The following PKHD1 variants were observed in gnomAD, a reference collection of about 807,000 sequenced individuals.
The protein encoded by PKHD1 is fibrocystin.
Under a neutral mutation model 412.0 loss-of-function variants are expected in PKHD1, and 291 were observed. The observed-to-expected ratio is 0.71, with a 90% confidence interval of 0.64 to 0.78. PKHD1 has a LOEUF of 0.78. Among genes scored for constraint, PKHD1 ranks in the 30% least tolerant of loss-of-function variants. The pLI is 0.00. For synonymous variants in PKHD1, 1,777 were observed against 1,821.5 expected (o/e 0.98, Z 0.62); for missense variants, 4,825 against 4,950.7 (o/e 0.97, Z 0.76).
At position 51,887,152 on chromosome 6, in the gene PKHD1, T is replaced by C. The variant is rs748865599; in HGVS notation, c.7090A>G (p.Ile2364Val). The C allele has an allele frequency of 3.1e-6, 5 of 1,609,408 alleles. No individual in the cohort carries two copies. The Admixed American group carries it at 6.7e-5, about 21-fold the overall frequency. ...QAPLLSFTQNIAHSCTRYGLF... is the reference protein window; with the variant it reads ...QAPLLSFTQNVAHSCTRYGLF... ...AGTTACCTGGTACAAGAATGTGCAA[T>C]GTTCTGAGTGAAGGAAAGAAGCGGA... The change falls in exon 44 of 67, where the codon ATT (isoleucine) becomes GTT (valine). Residue 2364 changes from isoleucine (I) to valine (V), a missense_variant. Coordinates refer to ENST00000371117, the MANE Select transcript of PKHD1 (RefSeq NM_138694.4).
At chr6:51,976,176 G>C (rs1794415688) in intron 35 of PKHD1, among the ~76,000 whole-genome samples, 1 of 152,148 alleles carries the variant, frequency 6.6e-6, no homozygotes, top group Admixed American at 6.5e-5. Context: ...GGGTCTCAAA[G>C]AGACATGTGC....
chr6:52,056,167 A>T (rs542243337), intron 18 of PKHD1, among the ~76,000 whole-genome samples: 4 of 152,076 alleles, frequency 2.6e-5, no homozygotes, highest in Admixed American at 6.5e-5. Flanking sequence ...AGCCTTGAAA[A>T]CCCTTTAGCA....
intron 60 of PKHD1, among the ~76,000 whole-genome samples, chr6:51,722,981 TA>T (rs1477770864): frequency 6.6e-6 from 1 of 152,214 alleles, no homozygotes; most frequent in Non-Finnish European, 1.5e-5. Context: ...GTTTTCAAAT[TA>T]GGCATGTTTT....
At chr6:51,728,543 C>T (rs1342908170) in intron 60 of PKHD1, among the ~76,000 whole-genome samples, 3 of 152,106 alleles carry the variant, frequency 2.0e-5, no homozygotes, top group Non-Finnish European at 4.4e-5. Context: ...ACTCTTTGGC[C>T]GGTTACACGA....
At chr6:52,076,649 A>G (rs1167220226) in intron 5 of PKHD1, among the ~76,000 whole-genome samples, 1 of 152,148 alleles carries the variant, frequency 6.6e-6, no homozygotes, top group East Asian at 1.9e-4. Flanking sequence ...CCAAGAACAC[A>G]TTTTACTAGA....
chr6:51,793,678 C>T (rs1475425718), intron 52 of PKHD1, among the ~76,000 whole-genome samples: 1 of 152,222 alleles, frequency 6.6e-6, no homozygotes, highest in African/African-American at 2.4e-5. Context: ...ATCCATATCC[C>T]TGCAAAGGAC....
At position 51,862,391 on chromosome 6, in the gene PKHD1, C is replaced by A. The variant is rs185237758; in HGVS notation, c.7733+5472G>T. 2.8e-3 allele frequency among the ~76,000 whole-genome samples: 431 copies of A among 152,236 alleles called. 3 individuals carry two copies. Among genetic ancestry groups the A allele is most frequent in the Middle Eastern group, 6.8e-3 (2 of 294 alleles). On this transcript the variant is annotated intron_variant, in intron 48 of 66. Transcript: ENST00000371117. ...TTGGGGTCCATTGTGATTTTTAGAT[C>A]TTTTTCTACTTTAATTCTGTAACCT... is the stretch of plus-strand genomic sequence containing the variant.
chr6:51,713,764 C>T (rs1714755488), intron 60 of PKHD1, among the ~76,000 whole-genome samples: 1 of 152,150 alleles, frequency 6.6e-6, no homozygotes, highest in African/African-American at 2.4e-5. Flanking sequence ...CAACCCTGCA[C>T]TTGAGGTCAC....
chr6:51,791,586 C>T (rs1197749414), intron 52 of PKHD1, among the ~76,000 whole-genome samples: 1 of 152,138 alleles, frequency 6.6e-6, no homozygotes. Context: ...GCTTAACATA[C>T]CACATTCATG....
chr6:51,658,258 C>T (rs1772215223), intron 61 of PKHD1, among the ~76,000 whole-genome samples: 2 of 151,994 alleles, frequency 1.3e-5, no homozygotes, highest in African/African-American at 4.8e-5. Context: ...GAAAAATTTG[C>T]TTGCATTTTT....
At chr6:51,901,392 T>C (rs1446811379) in intron 43 of PKHD1, among the ~76,000 whole-genome samples, 2 of 151,942 alleles carry the variant, frequency 1.3e-5, no homozygotes, top group African/African-American at 2.4e-5. Flanking sequence ...AAATTGGAAA[T>C]CATCATTCTC....
intron 15 of PKHD1, among the ~76,000 whole-genome samples, chr6:52,059,192 C>T (rs1385988378): frequency 6.6e-6 from 1 of 151,470 alleles, no homozygotes; most frequent in African/African-American, 2.4e-5. Flanking sequence ...GGGTTGAATC[C>T]TCAATGTGCC....
At chr6:51,934,447 T>TTCTCTCTCTTGTAGAA in intron 36 of PKHD1, 125 bp from the exon 37 acceptor site, 2 of 719,970 alleles carry the variant, frequency 2.8e-6, no homozygotes, top group East Asian at 5.4e-5. Flanking sequence ...TATTTTATCA[T>TTCTCTCTCTTGTAGAA]GCTCTCTCTT....
intron 52 of PKHD1, among the ~76,000 whole-genome samples, chr6:51,808,881 C>T (rs1353137448): frequency 6.6e-6 from 1 of 152,082 alleles, no homozygotes; most frequent in Non-Finnish European, 1.5e-5. Context: ...GATCAAACTC[C>T]ATTACCTTGC....
At chr6:51,773,096 A>G (rs1243550713) in intron 54 of PKHD1, among the ~76,000 whole-genome samples, 1 of 151,914 alleles carries the variant, frequency 6.6e-6, no homozygotes, top group Non-Finnish European at 1.5e-5. Context: ...ACTCCTTTCC[A>G]CTCTTACGTG....
intron 11 of PKHD1, 102 bp downstream of exon 11, chr6:52,069,355 C>T (rs991670007): frequency 9.6e-6 from 8 of 833,688 alleles, no homozygotes; most frequent in South Asian, 1.3e-5. Flanking sequence ...GGGACAGCTT[C>T]GGGTGTTAAT....
intron 49 of PKHD1, among the ~76,000 whole-genome samples, chr6:51,851,475 C>T (rs1456586357): frequency 6.6e-6 from 1 of 152,176 alleles, no homozygotes; most frequent in African/African-American, 2.4e-5. Context: ...AGGAATGGTA[C>T]CAGTTCCTCT....
chr6:51,918,179 A>T (rs1164410221), intron 37 of PKHD1, among the ~76,000 whole-genome samples: 1 of 110,334 alleles, frequency 9.1e-6, no homozygotes, highest in Non-Finnish European at 1.7e-5. Flanking sequence ...AAACAAATAT[A>T]TACATATATA....
chr6:51,986,899 G>A (rs963613331), intron 35 of PKHD1, among the ~76,000 whole-genome samples: 1 of 152,190 alleles, frequency 6.6e-6, no homozygotes. Context: ...CTAAACCCCA[G>A]GCACAGCAGT....
Sources: gnomAD v4.1 joint callset for allele counts (sites outside exome capture counted in the v4.1 genomes callset) on GRCh38, gnomAD v4.1.1 for gene constraint, MANE v1.5 for transcripts, NCBI Gene and HGNC (gene_info 2026-07-23, HGNC 2026-07-21) for gene names.